The following CDK13 variants were observed in gnomAD, a reference collection of about 807,000 sequenced individuals.
CDK13 encodes cyclin-dependent kinase 13.
In CDK13, 40 loss-of-function variants were observed where a neutral mutation model predicts 137.6. The ratio of observed to expected loss-of-function variants is 0.29; its 90% CI spans 0.23 to 0.38. CDK13 has a LOEUF of 0.38. CDK13 is among the 10% of genes least tolerant of loss of function. The pLI is 1.00. For synonymous variants in CDK13, 869 were observed against 760.1 expected (o/e 1.14, Z -2.36); for missense variants, 1,704 against 1,951.8 (o/e 0.87, Z 2.39).
Position 40,094,974 on chromosome 7 carries a change from A to G in CDK13, c.4533A>G (p.Pro1511=). 4 of 1,388,472 alleles carry G rather than the reference A, an allele frequency of 2.9e-6. No individual in the cohort carries two copies. The highest frequency in any genetic ancestry group is 1.9e-6 in the Non-Finnish European group (2 of 1,067,078). The allele number at this position is 1,388,472 out of a possible 1,614,324, so 86.0% of individuals were successfully genotyped here. ...GCAGAGGCAGAGGCAGAGGGTTACC[A>G]TACTGAGTATCTGTTTTTCCTCAGG... The part of the protein sequence containing the change: ...STGRGRGRGL[P]Y Residue 1511 remains proline (P), a synonymous_variant, in exon 14 of 14, where the codon CCA becomes CCG. Coordinates refer to ENST00000181839, the MANE Select transcript of CDK13 (RefSeq NM_003718.5).
chr7:40,029,351 C>T (rs911006147), intron 5 of CDK13, among the ~76,000 whole-genome samples: 6 of 150,124 alleles, frequency 4.0e-5, no homozygotes, highest in African/African-American at 1.2e-4. Flanking sequence ...TCACTTGAAC[C>T]GGGAGGCAGA....
At chr7:39,976,784 C>G (rs982189250) in intron 1 of CDK13, among the ~76,000 whole-genome samples, 2 of 152,114 alleles carry the variant, frequency 1.3e-5, no homozygotes, top group Non-Finnish European at 2.9e-5. Context: ...AATGTAGGGT[C>G]TCTCTCAACA....
intron 1 of CDK13, among the ~76,000 whole-genome samples, chr7:39,974,185 CAAT>C: frequency 6.6e-6 from 1 of 151,996 alleles, no homozygotes; most frequent in East Asian, 1.9e-4. Flanking sequence ...TACAGAACTG[CAAT>C]ACATTGACTT....
At chr7:40,040,055 A>G (rs1242835246) in intron 5 of CDK13, among the ~76,000 whole-genome samples, 1 of 148,490 alleles carries the variant, frequency 6.7e-6, no homozygotes, top group Non-Finnish European at 1.5e-5. Context: ...TTGTTCATCC[A>G]GGATGGATTG....
At chr7:40,083,467 A>G (rs997129566) in intron 11 of CDK13, among the ~76,000 whole-genome samples, 1 of 152,210 alleles carries the variant, frequency 6.6e-6, no homozygotes, top group African/African-American at 2.4e-5. Flanking sequence ...TTAATCCAGT[A>G]TACCTAGAAA....
chr7:39,977,118 C>G (rs1188849212), intron 1 of CDK13, among the ~76,000 whole-genome samples: 1 of 152,102 alleles, frequency 6.6e-6, no homozygotes, highest in Non-Finnish European at 1.5e-5. Context: ...TTTATGAAGT[C>G]CTTTATGCTA....
intron 2 of CDK13, among the ~76,000 whole-genome samples, chr7:39,991,288 C>T (rs530146405): frequency 2.6e-5 from 4 of 152,048 alleles, no homozygotes; most frequent in South Asian, 4.1e-4. Context: ...TTAGGAAACC[C>T]GAATATGGGA....
Position 40,094,470 on chromosome 7 carries a change from T to C in CDK13, c.4029T>C (p.Ser1343=). ...SDYKDNFGSS[S]FSSAPYVSND... Reference sequence around the variant, plus strand: ...ACAAGGACAACTTTGGATCCTCTTCTTTCTCTTCTGCTCCTTATGTTAGCA... The same window carrying C: ...ACAAGGACAACTTTGGATCCTCTTCCTTCTCTTCTGCTCCTTATGTTAGCA... Residue 1343 remains serine, a synonymous_variant, in exon 14 of 14, where the codon TCT becomes TCC. Coordinates refer to ENST00000181839, the MANE Select transcript of CDK13 (RefSeq NM_003718.5). The C allele has an allele frequency of 6.2e-7, 1 of 1,613,828 alleles. No individual in the cohort carries two copies.
chr7:39,989,263 G>A (rs1307030511), intron 2 of CDK13, among the ~76,000 whole-genome samples: 1 of 151,856 alleles, frequency 6.6e-6, no homozygotes, highest in East Asian at 1.9e-4. Flanking sequence ...GTATCCTAGT[G>A]TAGAAAAATT....
intron 5 of CDK13, among the ~76,000 whole-genome samples, chr7:40,022,518 A>C (rs191322780): frequency 5.4e-4 from 82 of 152,284 alleles, no homozygotes; most frequent in Middle Eastern, 3.4e-3. Context: ...ATATTGTAAC[A>C]AATATTTGTT....
chr7:39,966,677 A>G (rs1027067260), intron 1 of CDK13, among the ~76,000 whole-genome samples: 3 of 152,036 alleles, frequency 2.0e-5, no homozygotes, highest in African/African-American at 7.2e-5. Context: ...CCTTTGGAGG[A>G]GGAGAGGCGC....
intron 5 of CDK13, among the ~76,000 whole-genome samples, chr7:40,025,569 G>T (rs1785226179): frequency 6.6e-6 from 1 of 152,112 alleles, no homozygotes; most frequent in Non-Finnish European, 1.5e-5. Flanking sequence ...TCTAGAATTG[G>T]TAATTAAAAG....
At chr7:40,051,550 TTGAAG>T (rs1785888396) in intron 7 of CDK13, among the ~76,000 whole-genome samples, 1 of 152,216 alleles carries the variant, frequency 6.6e-6, no homozygotes, top group African/African-American at 2.4e-5. Context: ...TAAAGTCACT[TTGAAG>T]TGTTTTTATT....
At chr7:40,032,039 T>A (rs1296086164) in intron 5 of CDK13, among the ~76,000 whole-genome samples, 1 of 151,992 alleles carries the variant, frequency 6.6e-6, no homozygotes, top group Non-Finnish European at 1.5e-5. Flanking sequence ...CAGTGTCTTT[T>A]GAAGAGCAGA....
intron 9 of CDK13, among the ~76,000 whole-genome samples, chr7:40,075,122 C>A (rs952410480): frequency 6.6e-6 from 1 of 152,004 alleles, no homozygotes; most frequent in African/African-American, 2.4e-5. Context: ...ATCAGACTTT[C>A]AAGGAATATT....
intron 1 of CDK13, among the ~76,000 whole-genome samples, chr7:39,958,943 T>C (rs1425645112): frequency 6.6e-6 from 1 of 152,074 alleles, no homozygotes; most frequent in Non-Finnish European, 1.5e-5. Flanking sequence ...TATTCCATTA[T>C]TGGTTTTTTT....
intron 1 of CDK13, among the ~76,000 whole-genome samples, chr7:39,982,657 C>G (rs996290506): frequency 1.3e-5 from 2 of 152,198 alleles, no homozygotes; most frequent in African/African-American, 4.8e-5. Flanking sequence ...TCCTATTTCT[C>G]CACATCCTCT....
chr7:40,030,119 C>CT (rs1215244368), intron 5 of CDK13, among the ~76,000 whole-genome samples: 2 of 152,078 alleles, frequency 1.3e-5, no homozygotes, highest in African/African-American at 2.4e-5. Flanking sequence ...AAGTACTAAC[C>CT]ATGTGGGGAG....
In CDK13 at chr7:40,001,957, C is replaced by G; in HGVS notation, c.2279C>G (p.Thr760Ser). The change falls in exon 5 of 14, where the codon ACC (threonine) becomes AGC (serine). Residue 760 changes from threonine to serine, a missense_variant. Transcript: ENST00000181839. ...GAAATTAAAATTCTCCGGCAGCTTA[C>G]CCATCAGAGTATTATCAATATGAAG... ...IREIKILRQL[T>S]HQSIINMKEI... 6.2e-7 allele frequency: 1 copy of G among 1,609,550 alleles called. No individual in the cohort carries two copies. Among genetic ancestry groups the G allele is most frequent in the African/African-American group, 1.3e-5 (1 of 74,888 alleles).
Sources: allele counts gnomAD v4.1 joint callset (sites outside exome capture counted in the v4.1 genomes callset), GRCh38; gene constraint gnomAD v4.1.1; transcripts MANE v1.5; gene names NCBI Gene and HGNC (gene_info 2026-07-23, HGNC 2026-07-21).